The following TENM3 variants were observed in gnomAD, a reference collection of about 807,000 sequenced individuals.
TENM3 encodes the protein teneurin-3.
TENM3 carries 63 observed loss-of-function variants against 255.1 expected under a neutral mutation model. The ratio of observed to expected loss-of-function variants is 0.25; its 90% CI spans 0.20 to 0.30. The LOEUF is 0.30. Among genes scored for constraint, TENM3 ranks in the 10% least tolerant of loss-of-function variants. The pLI is 1.00. For synonymous variants in TENM3, 1,306 were observed against 1,322.3 expected (o/e 0.99, Z 0.27); for missense variants, 2,929 against 3,461.1 (o/e 0.85, Z 3.86).
chr4:181,915,137 A>C, the TENM3 span, among the ~76,000 whole-genome samples: 1 of 152,264 alleles, frequency 6.6e-6, no homozygotes, highest in Admixed American at 6.6e-5. Flanking sequence ...TAGAAGGCAA[A>C]ATTAAAATGA....
the TENM3 span, among the ~76,000 whole-genome samples, chr4:182,061,594 A>G: frequency 6.6e-6 from 1 of 152,142 alleles, no homozygotes; most frequent in African/African-American, 2.4e-5. Context: ...TTACGTGGTA[A>G]TTGGCATGGG....
At chr4:182,362,760 G>A (rs992919628) in intron 3 of TENM3, among the ~76,000 whole-genome samples, 1 of 152,282 alleles carries the variant, frequency 6.6e-6, no homozygotes, top group South Asian at 2.1e-4. Flanking sequence ...GCACTCCCTA[G>A]TGAGATGAAC....
intron 3 of TENM3, among the ~76,000 whole-genome samples, chr4:182,557,033 A>G (rs1238313314): frequency 6.6e-6 from 1 of 152,196 alleles, no homozygotes; most frequent in African/African-American, 2.4e-5. Flanking sequence ...GTTGCTAAAT[A>G]TGGTTACCAG....
At chr4:181,641,423 A>C in the TENM3 span, among the ~76,000 whole-genome samples, 1 of 150,728 alleles carries the variant, frequency 6.6e-6, no homozygotes, top group Non-Finnish European at 1.5e-5. Context: ...TATGAGTGAG[A>C]ACATGCGGTG....
the TENM3 span, among the ~76,000 whole-genome samples, chr4:182,053,318 C>T: frequency 5.9e-5 from 9 of 152,158 alleles, no homozygotes; most frequent in Admixed American, 2.6e-4. Context: ...CAGTGCTTAG[C>T]GTTTAGTGGA....
the TENM3 span, among the ~76,000 whole-genome samples, chr4:182,010,270 A>G: frequency 6.6e-6 from 1 of 152,204 alleles, no homozygotes; most frequent in African/African-American, 2.4e-5. Flanking sequence ...TCTGAAAAAG[A>G]AAACAGTCAC....
the TENM3 span, among the ~76,000 whole-genome samples, chr4:181,541,376 T>G: frequency 6.6e-6 from 1 of 151,986 alleles, no homozygotes; most frequent in Non-Finnish European, 1.5e-5. Context: ...CAGAGCGAGA[T>G]CCTGTCTCTT....
chr4:182,581,151 TAAATAAG>T (rs1215483801), intron 3 of TENM3, among the ~76,000 whole-genome samples: 2 of 152,056 alleles, frequency 1.3e-5, no homozygotes, highest in African/African-American at 4.8e-5. Flanking sequence ...TTTTACATAA[TAAATAAG>T]AAGAAATCAC....
At chr4:182,133,517 T>C in the TENM3 span, among the ~76,000 whole-genome samples, 1 of 152,218 alleles carries the variant, frequency 6.6e-6, no homozygotes, top group Non-Finnish European at 1.5e-5. Context: ...CATCCCAAAA[T>C]TTATATAATT....
the TENM3 span, among the ~76,000 whole-genome samples, chr4:182,130,813 G>A: frequency 2.6e-5 from 4 of 151,594 alleles, no homozygotes; most frequent in African/African-American, 7.3e-5. Flanking sequence ...TTTTTCCTAC[G>A]TAAGCTGAAC....
chr4:182,476,949 G>C (rs755851395), intron 3 of TENM3, among the ~76,000 whole-genome samples: 1 of 152,218 alleles, frequency 6.6e-6, no homozygotes, highest in Non-Finnish European at 1.5e-5. Context: ...AAATGAGTCT[G>C]TGTTCAACAC....
intron 2 of TENM3, among the ~76,000 whole-genome samples, chr4:182,346,164 T>C (rs961638049): frequency 6.6e-6 from 1 of 152,102 alleles, no homozygotes; most frequent in Admixed American, 6.5e-5. Context: ...ATAAGAAGAA[T>C]GACCAAGCTC....
the TENM3 span, among the ~76,000 whole-genome samples, chr4:182,116,977 T>C: frequency 2.3e-4 from 35 of 152,336 alleles, no homozygotes; most frequent in Non-Finnish European, 5.0e-4. Context: ...TTTTGGATTT[T>C]GGCCATTCTA....
chr4:182,263,592 TC>T (rs34797818), intron 1 of TENM3, among the ~76,000 whole-genome samples: 40,057 of 151,456 alleles, frequency 0.26, 8,876 homozygotes, highest in African/African-American at 0.61. Flanking sequence ...CATGGGCAAT[TC>T]CCCCCCCTAC....
At chr4:182,301,544 GAATA>G (rs1025553456) in intron 1 of TENM3, among the ~76,000 whole-genome samples, 1 of 152,082 alleles carries the variant, frequency 6.6e-6, no homozygotes, top group Non-Finnish European at 1.5e-5. Flanking sequence ...TTAAACTCAT[GAATA>G]ATCAGTTAAA....
chr4:181,863,581 T>A, the TENM3 span, among the ~76,000 whole-genome samples: 1 of 152,082 alleles, frequency 6.6e-6, no homozygotes, highest in Non-Finnish European at 1.5e-5. Flanking sequence ...TACAAACAAG[T>A]GAGTTACCTG....
the TENM3 span, among the ~76,000 whole-genome samples, chr4:181,921,152 T>G: frequency 6.6e-6 from 1 of 152,174 alleles, no homozygotes; most frequent in African/African-American, 2.4e-5. Flanking sequence ...TAGTAGAGTT[T>G]GAAGTCAGGT....
intron 6 of TENM3, among the ~76,000 whole-genome samples, chr4:182,659,750 A>T (rs1581237974): frequency 6.6e-6 from 1 of 152,168 alleles, no homozygotes; most frequent in Non-Finnish European, 1.5e-5. Context: ...TTCACACACA[A>T]ATTTGAGATA....
At chr4:181,645,325 G>A in the TENM3 span, among the ~76,000 whole-genome samples, 8 of 152,150 alleles carry the variant, frequency 5.3e-5, no homozygotes, top group Non-Finnish European at 8.8e-5. Flanking sequence ...GGTTAGAGGC[G>A]AAGAACATCA....
Sources: allele counts gnomAD v4.1 joint callset (sites outside exome capture counted in the v4.1 genomes callset), GRCh38; gene constraint gnomAD v4.1.1; transcripts MANE v1.5; gene names NCBI Gene and HGNC (gene_info 2026-07-23, HGNC 2026-07-21).